The following IL1RL2 variants were observed in gnomAD, a reference collection of about 807,000 sequenced individuals.
The protein encoded by IL1RL2 is interleukin 1 receptor like 2.
In IL1RL2, 68 loss-of-function variants were observed where a neutral mutation model predicts 66.8. The ratio of observed to expected loss-of-function variants is 1.02; its 90% CI spans 0.84 to 1.25. The LOEUF (loss-of-function observed/expected upper bound fraction) is 1.25. Among genes scored for constraint, IL1RL2 ranks in the 50% most tolerant of loss-of-function variants. The probability of loss-of-function intolerance (pLI) is 0.00; values close to 1 mark genes in which losing one functional copy is unlikely to be tolerated. For synonymous variants in IL1RL2, 305 were observed against 264.6 expected, an observed-to-expected ratio of 1.15 and a Z score of -1.48; for missense variants, 729 against 709.3, an observed-to-expected ratio of 1.03 and a Z score of -0.32.
chr2:102,193,558 C>T (rs1049599240), intron 4 of IL1RL2, among the ~76,000 whole-genome samples: 1 of 152,076 alleles, frequency 6.6e-6, no homozygotes, highest in Non-Finnish European at 1.5e-5. Context: ...TGCTATGATG[C>T]CCAGACTGGT....
chr2:102,224,520 G>A (rs1690427723), intron 8 of IL1RL2, among the ~76,000 whole-genome samples: 2 of 152,098 alleles, frequency 1.3e-5, no homozygotes, highest in African/African-American at 4.8e-5. Flanking sequence ...TAAAAAAATT[G>A]ATCTCATGAA....
At chr2:102,195,611 T>TTC (rs1199706075) in intron 4 of IL1RL2, among the ~76,000 whole-genome samples, 1 of 17,670 alleles carries the variant, frequency 5.7e-5, no homozygotes, top group African/African-American at 1.5e-4. Flanking sequence ...CTTTCTTTCT[T>TTC]TCTTTCTTTC....
chr2:102,222,113 C>T (rs990517490), intron 8 of IL1RL2, among the ~76,000 whole-genome samples: 4 of 151,954 alleles, frequency 2.6e-5, no homozygotes, highest in Admixed American at 2.6e-4. Flanking sequence ...TTTATTTTTG[C>T]CTGTTTTTGA....
chr2:102,200,877 G>A (rs969637472), intron 4 of IL1RL2, among the ~76,000 whole-genome samples: 5 of 152,138 alleles, frequency 3.3e-5, no homozygotes, highest in Non-Finnish European at 5.9e-5. Flanking sequence ...CATGGGAAGC[G>A]GGAGAAGTGA....
At chr2:102,200,088 T>A (rs1578113815) in intron 4 of IL1RL2, among the ~76,000 whole-genome samples, 1 of 118,114 alleles carries the variant, frequency 8.5e-6, no homozygotes, top group Non-Finnish European at 1.6e-5. Context: ...GCTCAGGAAG[T>A]GGGCGACAGA....
At chr2:102,233,226 T>C (rs775426918) in intron 10 of IL1RL2, 102 bp downstream of exon 10, 1 of 1,150,298 alleles carries the variant, frequency 8.7e-7, no homozygotes, top group Non-Finnish European at 1.2e-6. Context: ...GCCTTCCCCA[T>C]GGAACCACAG....
At chr2:102,193,430 G>T (rs975085201) in intron 4 of IL1RL2, among the ~76,000 whole-genome samples, 2 of 152,198 alleles carry the variant, frequency 1.3e-5, no homozygotes, top group African/African-American at 4.8e-5. Context: ...TTATGACAGA[G>T]TCTCACTCTG....
In IL1RL2 at chr2:102,235,171, G is replaced by A. The variant is rs1674757999; in HGVS notation, c.1572G>A (p.Met524Ile). 1.9e-6 allele frequency: 3 copies of A among 1,614,084 alleles called. No individual in the cohort carries two copies. The highest frequency in any genetic ancestry group is 3.3e-5 in the Admixed American group (2 of 60,004). ...HGDFTEQSQCMKTKFWKTVRY... is the reference protein window; with the variant it reads ...HGDFTEQSQCIKTKFWKTVRY... ...ACTTCACGGAGCAGTCACAGTGTATGAAGACCAAGTTTTGGAAGACAGTGA... is the reference window on the plus strand; with the variant it reads ...ACTTCACGGAGCAGTCACAGTGTATAAAGACCAAGTTTTGGAAGACAGTGA... Residue 524 changes from methionine (M) to isoleucine (I), a missense_variant, in exon 11 of 12, where the codon ATG becomes ATA. Coordinates refer to ENST00000264257, the MANE Select transcript of IL1RL2 (RefSeq NM_003854.4).
intron 9 of IL1RL2, among the ~76,000 whole-genome samples, chr2:102,227,365 C>T (rs1286997224): frequency 2.0e-5 from 3 of 152,320 alleles, no homozygotes; most frequent in Admixed American, 6.5e-5. Context: ...ATACACAGTA[C>T]GGTTGTTGCC....
intron 6 of IL1RL2, among the ~76,000 whole-genome samples, chr2:102,213,113 A>G (rs969385820): frequency 3.9e-5 from 6 of 152,240 alleles, no homozygotes; most frequent in African/African-American, 7.2e-5. Context: ...AAACTATATA[A>G]TGCTAAAAGT....
chr2:102,240,685 CCT>C (rs1675206435), downstream of IL1RL2, among the ~76,000 whole-genome samples: 1 of 152,158 alleles, frequency 6.6e-6, no homozygotes, highest in African/African-American at 2.4e-5. Flanking sequence ...TGCTGGTCCC[CCT>C]GTCAATCACG....
At chr2:102,204,078 T>C (rs1688496634) in intron 5 of IL1RL2, among the ~76,000 whole-genome samples, 2 of 152,142 alleles carry the variant, frequency 1.3e-5, no homozygotes, top group Non-Finnish European at 1.5e-5. Flanking sequence ...TTTAGTATGT[T>C]GTGTTTCCAT....
chr2:102,200,023 G>C (rs1166300342), intron 4 of IL1RL2, among the ~76,000 whole-genome samples: 2 of 151,518 alleles, frequency 1.3e-5, no homozygotes. Flanking sequence ...GGGGTGTGGT[G>C]GCACGTACCT....
chr2:102,199,133 G>GC (rs1559533433), intron 4 of IL1RL2, among the ~76,000 whole-genome samples: 1 of 152,080 alleles, frequency 6.6e-6, no homozygotes, highest in East Asian at 1.9e-4. Flanking sequence ...ATTGTTTTTT[G>GC]TTTTTTACTT....
At chr2:102,206,756 C>T (rs1473689445) in intron 5 of IL1RL2, among the ~76,000 whole-genome samples, 2 of 152,210 alleles carry the variant, frequency 1.3e-5, no homozygotes, top group East Asian at 1.9e-4. Flanking sequence ...TTGCTTTAGG[C>T]CCTGGTGCTC....
At chr2:102,218,534 A>T (rs1559550716) in intron 6 of IL1RL2, among the ~76,000 whole-genome samples, 1 of 152,218 alleles carries the variant, frequency 6.6e-6, no homozygotes, top group Non-Finnish European at 1.5e-5. Flanking sequence ...CAAGTCACTC[A>T]ATCTATCTGA....
At position 102,235,004 on chromosome 2, in the gene IL1RL2, C is replaced by G. The variant is rs1674731122; in HGVS notation, c.1405C>G (p.Gln469Glu). Residue 469 changes from glutamine (Q) to glutamate (E), a missense_variant, in exon 11 of 12, where the codon CAA (glutamine) becomes GAA (glutamate). Physicochemically the swap from Gln to Glu is conservative, Grantham distance 29. Coordinates refer to ENST00000264257, the MANE Select transcript of IL1RL2 (RefSeq NM_003854.4). ...CCTGTTGAAGAACCTGTCAGAAGAA[C>G]AAATCGCGGTCTACAGTGCCCTGAT... is the stretch of plus-strand genomic sequence containing the variant. Reference protein sequence around the residue: ...FGLLKNLSEEQIAVYSALIQD... With the variant: ...FGLLKNLSEEEIAVYSALIQD... 6.2e-7 allele frequency: 1 copy of G among 1,614,036 alleles called. No individual in the cohort carries two copies. Among genetic ancestry groups the G allele is most frequent in the Non-Finnish European group, 8.5e-7 (1 of 1,180,034 alleles).
upstream of IL1RL2, chr2:102,187,016 T>C: frequency 7.8e-7 from 1 of 1,289,714 alleles, no homozygotes; most frequent in Non-Finnish European, 1.0e-6. Context: ...GGAAGTGGCA[T>C]GACAGGGCTC....
intron 5 of IL1RL2, among the ~76,000 whole-genome samples, chr2:102,204,523 C>T (rs571161099): frequency 5.9e-5 from 9 of 152,174 alleles, no homozygotes; most frequent in African/African-American, 1.9e-4. Context: ...CTATCTTTCT[C>T]TTTAGCTCCA....
Sources: allele counts gnomAD v4.1 joint callset (sites outside exome capture counted in the v4.1 genomes callset), GRCh38; gene constraint gnomAD v4.1.1; transcripts MANE v1.5; gene names NCBI Gene and HGNC (gene_info 2026-07-23, HGNC 2026-07-21).